Variants in DMD observed in about 807,000 individuals in gnomAD.
The protein encoded by DMD is mutant dystrophin.
In DMD, 63 loss-of-function variants were observed where a neutral mutation model predicts 330.1. The ratio of observed to expected loss-of-function variants is 0.19; its 90% CI spans 0.16 to 0.24. DMD has a LOEUF of 0.24. Among genes scored for constraint, DMD ranks in the 10% least tolerant of loss-of-function variants. The pLI is 1.00. For missense variants in DMD, 3,344 were observed against 2,684.1 expected (o/e 1.25, Z -5.43); for synonymous variants, 1,223 against 959.8 (o/e 1.27, Z -5.07).
Position 31,901,883 on chromosome X carries a change from C to T in DMD, c.6913-26510G>A, listed in dbSNP as rs184070216. On this transcript the variant is annotated intron_variant, in intron 47 of 78. Transcript: ENST00000357033. ...CAACATGTTTTGAAATATGCATACACTGTGGAATGGCTAAATTGAGATAAT... is the reference window on the plus strand; with the variant it reads ...CAACATGTTTTGAAATATGCATACATTGTGGAATGGCTAAATTGAGATAAT... 2.3e-3 allele frequency among the ~76,000 whole-genome samples: 260 copies of T among 111,290 alleles called. 1 individual carries two copies. Among genetic ancestry groups the T allele is most frequent in the African/African-American group, 6.4e-3 (198 of 30,718 alleles).
chrX:32,793,472 A>T (rs757193670), intron 7 of DMD, among the ~76,000 whole-genome samples: 38 of 111,166 alleles, frequency 3.4e-4, no homozygotes, highest in African/African-American at 1.1e-3. Flanking sequence ...AGCAAAAAAT[A>T]CAAAGTATCA....
At chrX:32,751,831 C>T (rs2070859700) in intron 7 of DMD, among the ~76,000 whole-genome samples, 1 of 112,587 alleles carries the variant, frequency 8.9e-6, no homozygotes, top group African/African-American at 3.2e-5. Flanking sequence ...TGTGTCCCAG[C>T]CACTCCAGCT....
chrX:31,812,220 T>C (rs1300475920), intron 50 of DMD, among the ~76,000 whole-genome samples: 1 of 109,727 alleles, frequency 9.1e-6, no homozygotes, highest in Non-Finnish European at 1.9e-5. Flanking sequence ...TAAATCACCA[T>C]GGAATACTAT....
intron 44 of DMD, among the ~76,000 whole-genome samples, chrX:31,988,391 G>A (rs1485175483): frequency 9.9e-5 from 10 of 101,269 alleles, no homozygotes; most frequent in South Asian, 9.8e-4. Context: ...GGAGAATGGC[G>A]TGAACCCGGG....
intron 74 of DMD, among the ~76,000 whole-genome samples, chrX:31,150,730 C>T (rs781511152): frequency 5.3e-5 from 6 of 112,165 alleles, no homozygotes; most frequent in Non-Finnish European, 9.4e-5. Flanking sequence ...GTCCCATACT[C>T]GGAATGAACA....
intron 44 of DMD, among the ~76,000 whole-genome samples, chrX:32,039,662 A>G (rs1169812040): frequency 8.9e-6 from 1 of 112,062 alleles, no homozygotes; most frequent in Non-Finnish European, 1.9e-5. Flanking sequence ...CACAACTCAT[A>G]TTCAAATATG....
At chrX:33,235,979 G>C (rs1164383954) in intron 1 of DMD, among the ~76,000 whole-genome samples, 1 of 104,728 alleles carries the variant, frequency 9.5e-6, no homozygotes, top group Admixed American at 1.0e-4. Flanking sequence ...GCAGTGGCGC[G>C]ATCTCGGCTC....
chrX:31,592,108 A>G (rs777927839), intron 55 of DMD, among the ~76,000 whole-genome samples: 12 of 109,720 alleles, frequency 1.1e-4, no homozygotes, highest in African/African-American at 3.9e-4. Flanking sequence ...GCTTCCTGAC[A>G]ACATGGCTGA....
chrX:31,913,956 C>T (rs1348776708), intron 47 of DMD, among the ~76,000 whole-genome samples: 1 of 112,006 alleles, frequency 8.9e-6, no homozygotes, highest in East Asian at 2.8e-4. Flanking sequence ...TTCTGGACTG[C>T]GTCAGATCCA....
At chrX:32,666,326 T>C (rs1312787998) in intron 9 of DMD, among the ~76,000 whole-genome samples, 1 of 110,674 alleles carries the variant, frequency 9.0e-6, no homozygotes, top group Non-Finnish European at 1.9e-5. Flanking sequence ...CTGCATGCAT[T>C]AGGTATTTAT....
At chrX:31,972,612 T>G (rs2095407940) in intron 44 of DMD, among the ~76,000 whole-genome samples, 1 of 109,870 alleles carries the variant, frequency 9.1e-6, no homozygotes, top group Non-Finnish European at 1.9e-5. Flanking sequence ...AGAGATAAAA[T>G]GCAACTGGAA....
At chrX:32,658,820 A>G (rs867155110) in intron 9 of DMD, among the ~76,000 whole-genome samples, 11 of 111,857 alleles carry the variant, frequency 9.8e-5, no homozygotes, top group Middle Eastern at 4.7e-3. Context: ...GGAAACTTTA[A>G]GTCGGCCTCA....
intron 9 of DMD, among the ~76,000 whole-genome samples, chrX:32,677,871 G>A (rs889271540): frequency 2.7e-5 from 3 of 111,923 alleles, no homozygotes; most frequent in Non-Finnish European, 3.8e-5. Flanking sequence ...CCCGATAGCT[G>A]AATGGATAAA....
intron 11 of DMD, among the ~76,000 whole-genome samples, chrX:32,630,708 T>G (rs1368602771): frequency 1.8e-5 from 2 of 111,906 alleles, no homozygotes; most frequent in African/African-American, 6.5e-5. Flanking sequence ...AATTTATGTG[T>G]AGGATTCTGA....
intron 11 of DMD, among the ~76,000 whole-genome samples, chrX:32,622,338 A>G (rs1022111284): frequency 2.7e-5 from 3 of 111,757 alleles, no homozygotes; most frequent in African/African-American, 9.8e-5. Flanking sequence ...CATTCATCCC[A>G]TTGTTGGAAA....
intron 44 of DMD, among the ~76,000 whole-genome samples, chrX:32,211,922 C>T (rs6631517): frequency 0.14 from 15,782 of 111,417 alleles, 1,287 homozygotes; most frequent in East Asian, 0.41. Context: ...CTCATTCTAT[C>T]ATAGCCCATG....
intron 52 of DMD, among the ~76,000 whole-genome samples, chrX:31,720,864 G>A (rs777759323): frequency 4.3e-4 from 47 of 110,490 alleles, no homozygotes; most frequent in Admixed American, 2.9e-3. Context: ...AAATATAATC[G>A]CAACAGGTAA....
At chrX:32,957,604 C>A (rs995203252) in intron 2 of DMD, among the ~76,000 whole-genome samples, 10 of 111,414 alleles carry the variant, frequency 9.0e-5, no homozygotes, top group African/African-American at 3.3e-4. Flanking sequence ...GTCATGACTC[C>A]TTTGAGTATT....
At chrX:32,296,800 T>C (rs2097498599) in intron 42 of DMD, among the ~76,000 whole-genome samples, 1 of 111,722 alleles carries the variant, frequency 9.0e-6, no homozygotes, top group Admixed American at 9.5e-5. Context: ...AATATGAAAT[T>C]GTTGTTTCAG....
Sources: allele counts gnomAD v4.1 joint callset (sites outside exome capture counted in the v4.1 genomes callset), GRCh38; gene constraint gnomAD v4.1.1; transcripts MANE v1.5; gene names NCBI Gene and HGNC (gene_info 2026-07-23, HGNC 2026-07-21).